Variants in PPARGC1A observed in about 807,000 individuals in gnomAD.
The protein encoded by PPARGC1A is peroxisome proliferator-activated receptor gamma coactivator 1-alpha.
A neutral mutation model predicts 88.7 loss-of-function variants in PPARGC1A; 25 were observed. That is an observed-to-expected ratio of 0.28 (90% CI 0.21 to 0.39). The LOEUF is 0.39. PPARGC1A is among the 10% of genes least tolerant of loss of function. PPARGC1A has a pLI of 1.00. For synonymous variants in PPARGC1A, 363 were observed against 355.6 expected, an observed-to-expected ratio of 1.02 and a Z score of -0.24; for missense variants, 880 against 968.7, an observed-to-expected ratio of 0.91 and a Z score of 1.22.
chr4:24,229,138 T>A, the PPARGC1A span, among the ~76,000 whole-genome samples: 5 of 150,652 alleles, frequency 3.3e-5, no homozygotes, highest in African/African-American at 1.2e-4. Flanking sequence ...TGGATGAAGC[T>A]TGGGTATCTG....
At chr4:23,848,454 A>G (rs1472699649) in intron 2 of PPARGC1A, among the ~76,000 whole-genome samples, 1 of 152,136 alleles carries the variant, frequency 6.6e-6, no homozygotes, top group Non-Finnish European at 1.5e-5. Flanking sequence ...GGTTGTAGAC[A>G]AACTTTCCAG....
At chr4:24,148,331 C>T in the PPARGC1A span, among the ~76,000 whole-genome samples, 1 of 152,112 alleles carries the variant, frequency 6.6e-6, no homozygotes, top group South Asian at 2.1e-4. Flanking sequence ...TGTTTTCCAC[C>T]CTTCCTTCAT....
chr4:23,965,239 A>G, the PPARGC1A span, among the ~76,000 whole-genome samples: 6 of 152,306 alleles, frequency 3.9e-5, no homozygotes, highest in Non-Finnish European at 7.4e-5. Flanking sequence ...ATAGCTATAC[A>G]TCACTTTTCT....
the PPARGC1A span, among the ~76,000 whole-genome samples, chr4:23,987,754 C>T: frequency 6.6e-6 from 1 of 152,030 alleles, no homozygotes; most frequent in African/African-American, 2.4e-5. Context: ...TAGCTCCCAA[C>T]TCAAGGTTAG....
the PPARGC1A span, among the ~76,000 whole-genome samples, chr4:24,001,785 G>T: frequency 6.6e-6 from 1 of 152,074 alleles, no homozygotes; most frequent in Admixed American, 6.6e-5. Context: ...CTAACTCCAT[G>T]TGACAACACA....
the PPARGC1A span, among the ~76,000 whole-genome samples, chr4:24,070,683 A>G: frequency 6.6e-6 from 1 of 152,198 alleles, no homozygotes; most frequent in Non-Finnish European, 1.5e-5. Context: ...TCAGCAAACT[A>G]CGGTCCATGG....
chr4:24,310,115 T>C, the PPARGC1A span, among the ~76,000 whole-genome samples: 2 of 152,160 alleles, frequency 1.3e-5, no homozygotes, highest in African/African-American at 4.8e-5. Context: ...CATCCTGTGT[T>C]CAAGATGCCT....
chr4:24,174,895 A>C, the PPARGC1A span, among the ~76,000 whole-genome samples: 1 of 152,218 alleles, frequency 6.6e-6, no homozygotes, highest in Non-Finnish European at 1.5e-5. Context: ...ACTGGCTGGA[A>C]ATGGTGCCCT....
At chr4:24,464,314 T>C in the PPARGC1A span, among the ~76,000 whole-genome samples, 1 of 152,390 alleles carries the variant, frequency 6.6e-6, no homozygotes, top group East Asian at 1.9e-4. Flanking sequence ...TATGTGGTTG[T>C]TCTCATCCTA....
the PPARGC1A span, among the ~76,000 whole-genome samples, chr4:24,186,933 T>TC: frequency 6.6e-6 from 1 of 152,230 alleles, no homozygotes; most frequent in African/African-American, 2.4e-5. Context: ...CAGATGAGCA[T>TC]CTATTTGCGG....
upstream of PPARGC1A, among the ~76,000 whole-genome samples, chr4:23,907,120 G>A (rs897459706): frequency 4.6e-5 from 7 of 152,098 alleles, no homozygotes; most frequent in Admixed American, 1.3e-4. Flanking sequence ...ACTTTCTGGA[G>A]CTAGAAGAAC....
chr4:23,867,812 A>G (rs1712347677), intron 2 of PPARGC1A, among the ~76,000 whole-genome samples: 1 of 152,254 alleles, frequency 6.6e-6, no homozygotes, highest in Non-Finnish European at 1.5e-5. Context: ...ATGGCACAGT[A>G]AACTTGTACA....
At chr4:24,066,273 A>G in the PPARGC1A span, among the ~76,000 whole-genome samples, 11 of 152,110 alleles carry the variant, frequency 7.2e-5, no homozygotes, top group African/African-American at 2.4e-4. Flanking sequence ...TCCACAAACT[A>G]TTGCCAGGCA....
At chr4:24,384,083 A>G in the PPARGC1A span, among the ~76,000 whole-genome samples, 1 of 152,192 alleles carries the variant, frequency 6.6e-6, no homozygotes, top group African/African-American at 2.4e-5. Context: ...AATATTCAAC[A>G]TTCTTAAAGA....
chr4:23,837,822 A>G (rs1726296909), intron 2 of PPARGC1A, among the ~76,000 whole-genome samples: 1 of 152,218 alleles, frequency 6.6e-6, no homozygotes, highest in Non-Finnish European at 1.5e-5. Context: ...TTCAAATAAG[A>G]AATACAGTGG....
chr4:23,978,094 G>A, the PPARGC1A span, among the ~76,000 whole-genome samples: 9 of 152,148 alleles, frequency 5.9e-5, no homozygotes, highest in Non-Finnish European at 1.5e-5. Context: ...GCCTCCAAAT[G>A]TCCAATTTGC....
the PPARGC1A span, among the ~76,000 whole-genome samples, chr4:24,264,242 G>A: frequency 6.6e-6 from 1 of 152,214 alleles, no homozygotes; most frequent in East Asian, 1.9e-4. Flanking sequence ...TGGAGGGTTG[G>A]CATACCCATG....
the PPARGC1A span, among the ~76,000 whole-genome samples, chr4:24,108,534 A>G: frequency 1.3e-5 from 2 of 152,168 alleles, no homozygotes; most frequent in African/African-American, 4.8e-5. Context: ...AGCCTATTAT[A>G]TATAGGTTAG....
the PPARGC1A span, among the ~76,000 whole-genome samples, chr4:24,229,913 T>C: frequency 6.6e-6 from 1 of 151,902 alleles, no homozygotes; most frequent in Admixed American, 6.6e-5. Flanking sequence ...TCTTGGTCTC[T>C]GGGATTCCTA....
Sources: gnomAD v4.1 joint callset for allele counts (sites outside exome capture counted in the v4.1 genomes callset) on GRCh38, gnomAD v4.1.1 for gene constraint, MANE v1.5 for transcripts, NCBI Gene and HGNC (gene_info 2026-07-23, HGNC 2026-07-21) for gene names.